The following ARMC3 variants were observed in gnomAD, a reference collection of about 807,000 sequenced individuals.
ARMC3 encodes armadillo repeat containing 3.
A neutral mutation model predicts 90.3 loss-of-function variants in ARMC3; 74 were observed. The ratio of observed to expected loss-of-function variants is 0.82; its 90% CI spans 0.68 to 0.99. ARMC3 has a LOEUF of 0.99. Among genes scored for constraint, ARMC3 ranks in the 50% least tolerant of loss-of-function variants. The pLI is 0.00. For missense variants in ARMC3, 958 were observed against 1,042.8 expected (o/e 0.92, Z 1.12); for synonymous variants, 334 against 361.8 (o/e 0.92, Z 0.87).
intron 7 of ARMC3, among the ~76,000 whole-genome samples, chr10:22,962,969 A>T (rs1465052968): frequency 6.6e-6 from 1 of 152,182 alleles, no homozygotes; most frequent in Non-Finnish European, 1.5e-5. Context: ...TCCTAGTAAC[A>T]CTATATAGTA....
intron 3 of ARMC3, among the ~76,000 whole-genome samples, chr10:22,951,856 C>T (rs970462195): frequency 2.6e-5 from 4 of 152,152 alleles, no homozygotes; most frequent in African/African-American, 9.7e-5. Context: ...CAAGGCTGGG[C>T]ACAGTGGCTC....
At chr10:23,033,829 A>G (rs547031995) in intron 18 of ARMC3, among the ~76,000 whole-genome samples, 2 of 152,194 alleles carry the variant, frequency 1.3e-5, no homozygotes, top group Non-Finnish European at 2.9e-5. Context: ...GAGAGAGTAC[A>G]TGAGAAGAAC....
chr10:22,947,826 A>C (rs1378298354), intron 3 of ARMC3, among the ~76,000 whole-genome samples: 1 of 152,224 alleles, frequency 6.6e-6, no homozygotes, highest in Non-Finnish European at 1.5e-5. Context: ...TAAAACATTT[A>C]AAAATTATAA....
In ARMC3 at chr10:23,001,913, T is replaced by G. The variant is rs763874575; in HGVS notation, c.1426-6T>G. ...TAATGTGTAACATTTTGGTTTCTGC[T>G]TTTAGTTAAGAAATTCTGGTGGATT... On this transcript the variant is annotated splice_polypyrimidine_tract_variant and splice_region_variant and intron_variant, in intron 11 of 18. Coordinates refer to ENST00000298032, the MANE Select transcript of ARMC3 (RefSeq NM_173081.5). 1.6e-5 allele frequency: 26 copies of G among 1,612,772 alleles called. No individual in the cohort carries two copies. The highest frequency in any genetic ancestry group is 2.2e-5 in the Non-Finnish European group (26 of 1,179,506).
chr10:22,973,630 T>C (rs1220653424), intron 8 of ARMC3, among the ~76,000 whole-genome samples: 1 of 151,622 alleles, frequency 6.6e-6, no homozygotes, highest in Non-Finnish European at 1.5e-5. Context: ...TTATAAATTA[T>C]ATTGTACAGT....
At chr10:23,003,199 T>A in intron 12 of ARMC3, 47 bp from the exon 13 acceptor site, 1 of 1,559,122 alleles carries the variant, frequency 6.4e-7, no homozygotes, top group Non-Finnish European at 8.7e-7. Context: ...GACTCAGTAT[T>A]GGATGGCTTG....
At chr10:22,990,165 TC>T (rs35072884) in intron 10 of ARMC3, among the ~76,000 whole-genome samples, 89,324 of 151,038 alleles carry the variant, frequency 0.59, 27,728 homozygotes, top group Non-Finnish European at 0.68. Flanking sequence ...TTGTGTGATT[TC>T]CCCCCCCCAC....
intron 2 of ARMC3, among the ~76,000 whole-genome samples, chr10:22,936,645 A>T (rs1339490865): frequency 6.6e-6 from 1 of 152,158 alleles, no homozygotes; most frequent in East Asian, 1.9e-4. Context: ...TGACTTTCTC[A>T]TGGGAAAGCA....
intron 3 of ARMC3, among the ~76,000 whole-genome samples, chr10:22,947,358 G>A (rs972744820): frequency 6.6e-6 from 1 of 151,172 alleles, no homozygotes; most frequent in South Asian, 2.1e-4. Context: ...ACCACCAACT[G>A]TGATAAGTCC....
At chr10:23,005,491 C>G (rs976552296) in intron 13 of ARMC3, among the ~76,000 whole-genome samples, 1 of 152,122 alleles carries the variant, frequency 6.6e-6, no homozygotes, top group Non-Finnish European at 1.5e-5. Context: ...CCAAGGTCTC[C>G]GCTTCCATGG....
intron 16 of ARMC3, among the ~76,000 whole-genome samples, chr10:23,028,838 C>T (rs59709734): frequency 0.068 from 10,281 of 151,834 alleles, 382 homozygotes; most frequent in South Asian, 0.092. Context: ...TCAGGATAAG[C>T]CTAGGAATTT....
chr10:23,013,632 A>G lies in ARMC3; in HGVS notation c.2045+4701A>G, dbSNP rs571233234. 5.9e-5 allele frequency among the ~76,000 whole-genome samples: 9 copies of G among 152,336 alleles called. No homozygotes were observed. In the South Asian group the frequency reaches 1.2e-3, roughly 21 times the overall value. On this transcript the variant is annotated intron_variant, in intron 16 of 18. Transcript: ENST00000298032. ...TAGTTTCATGGTGAGAACATTGAAG[A>G]TCTACTCTCTTAGCAAATGTCATGT...
At chr10:22,982,053 T>C (rs1836215848) in intron 10 of ARMC3, among the ~76,000 whole-genome samples, 2 of 152,116 alleles carry the variant, frequency 1.3e-5, no homozygotes, top group Non-Finnish European at 2.9e-5. Context: ...TGCTTAAAGA[T>C]CCATCTTAAA....
rs1435751783 is a variant in ARMC3 at position 22,975,887 on chromosome 10, T to C, written c.917-5453T>C. 3.3e-5 allele frequency among the ~76,000 whole-genome samples: 5 copies of C among 152,364 alleles called. No individual in the cohort carries two copies. The East Asian group carries it at 9.6e-4, about 29-fold the overall frequency. On this transcript the variant is annotated intron_variant, in intron 8 of 18. Transcript: ENST00000298032. ...TATTTTTAGACCATCTCTGTTCTCCTTTCTATGCAGTGTTTCATAATTTTG... is the reference window on the plus strand; with the variant it reads ...TATTTTTAGACCATCTCTGTTCTCCCTTCTATGCAGTGTTTCATAATTTTG...
intron 18 of ARMC3, among the ~76,000 whole-genome samples, chr10:23,033,514 T>C (rs1375906515): frequency 4.6e-5 from 7 of 152,072 alleles, no homozygotes; most frequent in African/African-American, 1.7e-4. Flanking sequence ...TTATGCAAAA[T>C]AATACAGGTA....
At chr10:22,958,940 C>G (rs891731411) in intron 4 of ARMC3, 130 bp from the exon 5 acceptor site, 2 of 691,724 alleles carry the variant, frequency 2.9e-6, no homozygotes, top group Non-Finnish European at 4.9e-6. Flanking sequence ...CTAGGCTGGT[C>G]TCGAACTCCT....
intron 6 of ARMC3, chr10:22,961,592 AG>A (rs1484706968): frequency 1.1e-5 from 3 of 278,242 alleles, no homozygotes; most frequent in Admixed American, 1.1e-4. Context: ...CATTATGCAT[AG>A]ATTTTATTAT....
chr10:22,964,990 C>T (rs1469421363), intron 7 of ARMC3, among the ~76,000 whole-genome samples: 1 of 152,104 alleles, frequency 6.6e-6, no homozygotes, highest in African/African-American at 2.4e-5. Context: ...CCATTACAAA[C>T]CCAACAATAC....
chr10:22,935,416 A>T (rs1364042743), intron 2 of ARMC3, among the ~76,000 whole-genome samples: 1 of 152,220 alleles, frequency 6.6e-6, no homozygotes, highest in East Asian at 1.9e-4. Context: ...GCACAGAATC[A>T]GAACATTTTT....
Sources: allele counts gnomAD v4.1 joint callset (sites outside exome capture counted in the v4.1 genomes callset), GRCh38; gene constraint gnomAD v4.1.1; transcripts MANE v1.5; gene names NCBI Gene and HGNC (gene_info 2026-07-23, HGNC 2026-07-21).